Variants in TMEM132B observed in about 807,000 individuals in gnomAD.
TMEM132B encodes transmembrane protein 132B.
In TMEM132B, 18 loss-of-function variants were observed where a neutral mutation model predicts 90.8. The ratio of observed to expected loss-of-function variants is 0.20; its 90% CI spans 0.14 to 0.29. The LOEUF (loss-of-function observed/expected upper bound fraction) is 0.29. Ranked by LOEUF, TMEM132B falls within the 10% of genes least tolerant of loss-of-function variation. The pLI is 1.00. For missense variants in TMEM132B, 1,096 were observed against 1,326.8 expected (o/e 0.83, Z 2.70); for synonymous variants, 504 against 523.3 (o/e 0.96, Z 0.50).
chr12:125,660,507 G>A lies in TMEM132B; in HGVS notation c.*5797G>A, dbSNP rs1163315837. Reference sequence around the variant, plus strand: ...TTTATGGTTTTATACAATTGAGATAGGTTCTGAAGTTTTTTTGTTGTTTGC... The same window carrying A: ...TTTATGGTTTTATACAATTGAGATAAGTTCTGAAGTTTTTTTGTTGTTTGC... On this transcript the variant is annotated 3_prime_UTR_variant, in exon 9 of 9. Transcript: ENST00000682704. 2 of 151,936 alleles carry A rather than the reference G, an allele frequency of 1.3e-5. No individual in the cohort carries two copies. The highest frequency in any genetic ancestry group is 1.5e-5 in the Non-Finnish European group (1 of 68,004). 9.4% of individuals were successfully genotyped at this position (151,936 alleles called of 1,614,324 possible). A position where few individuals can be genotyped will look rare whatever the true frequency, so the allele number is the denominator to read the frequency against.
chr12:125,422,315 G>T (rs910528066), intron 3 of TMEM132B, among the ~76,000 whole-genome samples: 1 of 152,246 alleles, frequency 6.6e-6, no homozygotes, highest in Admixed American at 6.5e-5. Context: ...CGACTTTAGA[G>T]TCCATGCTTA....
intron 1 of TMEM132B, among the ~76,000 whole-genome samples, chr12:125,306,764 T>C (rs1875980563): frequency 6.6e-6 from 1 of 152,248 alleles, no homozygotes; most frequent in African/African-American, 2.4e-5. Flanking sequence ...TTGCTGCATG[T>C]CAATTGCACC....
chr12:125,267,872 G>T (rs1321370572), intron 1 of TMEM132B, among the ~76,000 whole-genome samples: 2 of 152,132 alleles, frequency 1.3e-5, no homozygotes, highest in African/African-American at 2.4e-5. Context: ...TGTAAGAAAT[G>T]CAGTGTGGAC....
intron 3 of TMEM132B, among the ~76,000 whole-genome samples, chr12:125,421,190 T>C (rs1335389348): frequency 6.6e-6 from 1 of 152,226 alleles, no homozygotes; most frequent in Non-Finnish European, 1.5e-5. Flanking sequence ...GCAAAGTTGC[T>C]TCCATATTTT....
chr12:125,650,224 G>C (rs145775581), intron 6 of TMEM132B, among the ~76,000 whole-genome samples: 11 of 152,124 alleles, frequency 7.2e-5, no homozygotes, highest in African/African-American at 2.7e-4. Flanking sequence ...GGTACTATGA[G>C]AGAGGAAAGG....
intron 3 of TMEM132B, among the ~76,000 whole-genome samples, chr12:125,430,743 C>A (rs1880476060): frequency 6.6e-6 from 1 of 152,180 alleles, no homozygotes; most frequent in South Asian, 2.1e-4. Flanking sequence ...GAAACAAAAC[C>A]AGTGAGTCGG....
At chr12:125,387,341 T>C (rs1171602988) in intron 2 of TMEM132B, among the ~76,000 whole-genome samples, 1 of 152,206 alleles carries the variant, frequency 6.6e-6, no homozygotes, top group African/African-American at 2.4e-5. Context: ...TGGGTTGAGT[T>C]GTTTGTCCTC....
At chr12:125,400,623 C>G (rs1259874583) in intron 2 of TMEM132B, among the ~76,000 whole-genome samples, 1 of 152,190 alleles carries the variant, frequency 6.6e-6, no homozygotes, top group African/African-American at 2.4e-5. Context: ...GCCCTGTAAC[C>G]TGTTGCAAGG....
chr12:125,310,693 C>T (rs1328199183), intron 1 of TMEM132B, among the ~76,000 whole-genome samples: 1 of 152,172 alleles, frequency 6.6e-6, no homozygotes, highest in African/African-American at 2.4e-5. Flanking sequence ...ACCATGGCAA[C>T]CGTAGCCAGC....
intron 3 of TMEM132B, among the ~76,000 whole-genome samples, chr12:125,502,037 T>C (rs995915908): frequency 2.6e-5 from 4 of 152,214 alleles, no homozygotes; most frequent in African/African-American, 9.6e-5. Flanking sequence ...CACGAATGCA[T>C]GTGTGTGCCC....
chr12:125,454,168 A>G (rs1431697574), intron 3 of TMEM132B, among the ~76,000 whole-genome samples: 1 of 152,218 alleles, frequency 6.6e-6, no homozygotes, highest in Non-Finnish European at 1.5e-5. Context: ...AAGAGGCAGC[A>G]AAGTTATCAT....
intron 3 of TMEM132B, among the ~76,000 whole-genome samples, chr12:125,417,766 T>C (rs1880057236): frequency 6.6e-6 from 1 of 152,182 alleles, no homozygotes; most frequent in Non-Finnish European, 1.5e-5. Context: ...AAACATCTGC[T>C]AACTTGGTCA....
chr12:125,416,051 G>T (rs1316249561), intron 3 of TMEM132B, among the ~76,000 whole-genome samples: 1 of 152,168 alleles, frequency 6.6e-6, no homozygotes, highest in East Asian at 1.9e-4. Flanking sequence ...TTATTTTGCT[G>T]ATATCACACT....
intron 2 of TMEM132B, among the ~76,000 whole-genome samples, chr12:125,368,839 C>T (rs971428438): frequency 2.0e-5 from 3 of 152,102 alleles, no homozygotes; most frequent in Admixed American, 6.5e-5. Flanking sequence ...TGTTCCATGA[C>T]AGGAATAAAA....
chr12:125,320,203 A>G (rs567246843), intron 1 of TMEM132B, among the ~76,000 whole-genome samples: 7 of 152,224 alleles, frequency 4.6e-5, no homozygotes, highest in Non-Finnish European at 8.8e-5. Context: ...ACAATGGCCC[A>G]GCTGGGGAGG....
intron 3 of TMEM132B, among the ~76,000 whole-genome samples, chr12:125,437,258 A>T (rs1880734482): frequency 6.6e-6 from 1 of 152,208 alleles, no homozygotes; most frequent in Non-Finnish European, 1.5e-5. Context: ...CGATGCGCTG[A>T]CTATGATTCT....
chr12:125,218,149 A>G (rs568579188), intron 1 of TMEM132B, among the ~76,000 whole-genome samples: 1 of 152,168 alleles, frequency 6.6e-6, no homozygotes, highest in Non-Finnish European at 1.5e-5. Flanking sequence ...AAGGAGTCCT[A>G]TAAGACTGGG....
chr12:125,276,293 A>C (rs1166555141), intron 1 of TMEM132B, among the ~76,000 whole-genome samples: 1 of 152,220 alleles, frequency 6.6e-6, no homozygotes, highest in Non-Finnish European at 1.5e-5. Context: ...AGCTGGTGAC[A>C]GCAGCTGATC....
intron 5 of TMEM132B, among the ~76,000 whole-genome samples, chr12:125,591,152 T>C (rs905269237): frequency 1.3e-5 from 2 of 152,222 alleles, no homozygotes; most frequent in African/African-American, 4.8e-5. Flanking sequence ...GGACTTTTTT[T>C]GAATTTGCAA....
Sources: gnomAD v4.1 joint callset for allele counts (sites outside exome capture counted in the v4.1 genomes callset) on GRCh38, gnomAD v4.1.1 for gene constraint, MANE v1.5 for transcripts, NCBI Gene and HGNC (gene_info 2026-07-23, HGNC 2026-07-21) for gene names.